Variants in TMCC2 observed in about 807,000 individuals in gnomAD.
TMCC2 encodes transmembrane and coiled-coil domain family 2, also known as transmembrane and coiled-coil domains protein 2.
In TMCC2, 16 loss-of-function variants were observed where a neutral mutation model predicts 49.4. The observed-to-expected ratio is 0.32, with a 90% CI of 0.22 to 0.49. The LOEUF (loss-of-function observed/expected upper bound fraction) is 0.49, where lower values mean the gene tolerates loss of function less well. Among genes scored for constraint, TMCC2 ranks in the 20% least tolerant of loss-of-function variants. The pLI, the probability that TMCC2 is intolerant of heterozygous loss-of-function variation, is 0.99. For missense variants in TMCC2, 762 were observed against 989.8 expected (o/e 0.77, Z 3.09); for synonymous variants, 397 against 434.1 (o/e 0.91, Z 1.06).
At chr1:205,232,516 T>C (rs1164471467) in intron 1 of TMCC2, among the ~76,000 whole-genome samples, 1 of 151,554 alleles carries the variant, frequency 6.6e-6, no homozygotes, top group Non-Finnish European at 1.5e-5. Flanking sequence ...CCACAGAGAG[T>C]GCTGGCTGAC....
chr1:205,252,819 T>C (rs1660718735), intron 2 of TMCC2, among the ~76,000 whole-genome samples: 1 of 151,916 alleles, frequency 6.6e-6, no homozygotes, highest in African/African-American at 2.4e-5. Flanking sequence ...ATTTTTTTTT[T>C]TTTAAGAGAA....
intron 3 of TMCC2, among the ~76,000 whole-genome samples, chr1:205,270,470 T>A (rs1661542674): frequency 1.3e-5 from 2 of 152,264 alleles, no homozygotes; most frequent in South Asian, 4.1e-4. Context: ...CCTCCGGTCC[T>A]GTGCTGCCCT....
chr1:205,239,164 G>T (rs948357481), intron 1 of TMCC2, among the ~76,000 whole-genome samples: 1 of 152,174 alleles, frequency 6.6e-6, no homozygotes, highest in Non-Finnish European at 1.5e-5. Context: ...TTTAGGAATG[G>T]GGGGAGAAGA....
rs768335027 is a variant in TMCC2 at position 205,228,684 on chromosome 1, T to A, written c.120T>A (p.Gly40=). The part of the protein sequence containing the change: ...GADLRPGETT[G]ANSAGGPTSD... Reference sequence around the variant, plus strand: ...ACCTCCGGCCTGGGGAGACCACGGGTGCTAACTCTGCTGGCGGGCCAACTT... The same window carrying A: ...ACCTCCGGCCTGGGGAGACCACGGGAGCTAACTCTGCTGGCGGGCCAACTT... Residue 40 remains glycine (G), a synonymous_variant, in exon 1 of 5, where the codon GGT becomes GGA. Transcript: ENST00000358024. The A allele has an allele frequency of 6.2e-7, 1 of 1,612,700 alleles. No individual in the cohort carries two copies. Among genetic ancestry groups the A allele is most frequent in the Admixed American group, 1.7e-5 (1 of 59,958 alleles).
chr1:205,261,556 G>C (rs987102539), intron 2 of TMCC2, among the ~76,000 whole-genome samples: 4 of 151,968 alleles, frequency 2.6e-5, no homozygotes, highest in Non-Finnish European at 4.4e-5. Flanking sequence ...ACTCATGCCT[G>C]TGGCCCCAGC....
intron 2 of TMCC2, among the ~76,000 whole-genome samples, chr1:205,250,121 C>T (rs1660607715): frequency 6.6e-6 from 1 of 152,236 alleles, no homozygotes; most frequent in South Asian, 2.1e-4. Flanking sequence ...AAAGCTCTGA[C>T]ACCAGAGATC....
At chr1:205,246,552 G>A in intron 2 of TMCC2, 6 of 1,544,640 alleles carry the variant, frequency 3.9e-6, no homozygotes, top group Non-Finnish European at 5.2e-6. Flanking sequence ...AGAGTGAGGA[G>A]CTCTGCACGC....
rs764420807 is a variant in TMCC2 at position 205,271,233 on chromosome 1, A to G, written c.1796A>G (p.Tyr599Cys). The change falls in exon 4 of 5, where the codon TAT becomes TGT. Residue 599 changes from tyrosine to cysteine, a missense_variant. Around this residue, in one of 2 missense-constraint regions of TMCC2, gnomAD observed 440 missense variants for 636.7 expected, o/e 0.69. Coordinates refer to ENST00000358024, the MANE Select transcript of TMCC2 (RefSeq NM_014858.4). ...SMEEKVAYQSYERARDIQEAV... is the reference protein window; with the variant it reads ...SMEEKVAYQSCERARDIQEAV... ...GAGGAGAAGGTGGCCTACCAGTCCT[A>G]TGAGAGGGCACGGGACATCCAGGTA... The G allele has an allele frequency of 7.4e-6, 12 of 1,614,036 alleles. No homozygotes were observed. Among genetic ancestry groups the G allele is most frequent in the South Asian group, 1.1e-5 (1 of 91,092 alleles).
intron 1 of TMCC2, among the ~76,000 whole-genome samples, chr1:205,240,622 C>T (rs1430530042): frequency 1.3e-5 from 2 of 152,190 alleles, no homozygotes; most frequent in Non-Finnish European, 2.9e-5. Flanking sequence ...GATAGATGTT[C>T]ACAACTGGTT....
At position 205,254,000 on chromosome 1, in the gene TMCC2, G is replaced by C. The variant is rs1213725841; in HGVS notation, c.747+11956G>C. On this transcript the variant is annotated intron_variant, in intron 2 of 4. Coordinates refer to ENST00000358024, the MANE Select transcript of TMCC2 (RefSeq NM_014858.4). ...AGCTGCACAGAGTCTCCAAGGCTTGGCTCATTCACCCTCTCCTCCATCTCC... is the reference window on the plus strand; with the variant it reads ...AGCTGCACAGAGTCTCCAAGGCTTGCCTCATTCACCCTCTCCTCCATCTCC... 3.3e-5 allele frequency among the ~76,000 whole-genome samples: 5 copies of C among 152,140 alleles called. No homozygotes were observed. The East Asian group carries it at 9.6e-4, about 29-fold the overall frequency.
At chr1:205,244,972 T>C (rs775439732) in intron 2 of TMCC2, among the ~76,000 whole-genome samples, 4 of 152,074 alleles carry the variant, frequency 2.6e-5, no homozygotes, top group South Asian at 4.1e-4. Context: ...TCATAGAGCA[T>C]GACAGACAAG....
In TMCC2 at chr1:205,241,069, T is replaced by C. The variant is rs1660243447; in HGVS notation, c.208-436T>C. Among the ~76,000 whole-genome samples the C allele has an allele frequency of 6.6e-6, 1 of 152,184 alleles. No homozygotes were observed. Among genetic ancestry groups the C allele is most frequent in the Non-Finnish European group, 1.5e-5 (1 of 68,038 alleles). On this transcript the variant is annotated intron_variant, in intron 1 of 4. Coordinates refer to ENST00000358024, the MANE Select transcript of TMCC2 (RefSeq NM_014858.4). The surrounding 1 kb of genome is among the most constrained non-coding windows in gnomAD (Gnocchi z 7.3). ...GGAATTAGGCAACTTTGGAAATCGA[T>C]GCTTGGTGGCCTGAAAGAACTAGTA...
In TMCC2 at chr1:205,271,839, G is replaced by A. The variant is rs774404733; in HGVS notation, c.1845G>A (p.Arg615=). The change falls in exon 5 of 5, where the codon CGG becomes CGA. Residue 615 remains arginine, a synonymous_variant. Transcript: ENST00000358024. Reference sequence around the variant, plus strand: ...AGGCCGTGGAGTCCTGCCTGACCCGGGTCACCAAGCTGGAGCTGCAGCAGC... The same window carrying A: ...AGGCCGTGGAGTCCTGCCTGACCCGAGTCACCAAGCTGGAGCTGCAGCAGC... ...IQEAVESCLT[R]VTKLELQQQQ... The A allele has an allele frequency of 1.9e-6, 3 of 1,612,740 alleles. No individual in the cohort carries two copies. In the East Asian group the frequency reaches 6.7e-5, roughly 36 times the overall value.
rs1410947731 is a variant in TMCC2, at chr1:205,264,107, A to C, written c.748-4843A>C. Among the ~76,000 whole-genome samples, 2 of 152,232 alleles carry C rather than the reference A, an allele frequency of 1.3e-5. No homozygotes were observed. Among genetic ancestry groups the C allele is most frequent in the Non-Finnish European group, 2.9e-5 (2 of 68,040 alleles). On this transcript the variant is annotated intron_variant, in intron 2 of 4. Transcript: ENST00000358024. This position sits in a 1 kb window ranked among gnomAD's most constrained non-coding sequence, Gnocchi z 4.2. The stretch of plus-strand genomic sequence containing the variant: ...TGAGAGACAAGTCTGACGTATGTCA[A>C]GAAATGTTAGTGTTTGAAGGAGATT...
In TMCC2 at chr1:205,228,371, A is replaced by G; in HGVS notation, c.-194A>G. The G allele has an allele frequency of 1.8e-6, 1 of 544,662 alleles. No individual in the cohort carries two copies. The highest frequency in any genetic ancestry group is 3.3e-6 in the Non-Finnish European group (1 of 305,624). 33.7% of individuals were successfully genotyped at this position (544,662 alleles called of 1,614,324 possible). On this transcript the variant is annotated 5_prime_UTR_variant, in exon 1 of 5. Coordinates refer to ENST00000358024, the MANE Select transcript of TMCC2 (RefSeq NM_014858.4). Reference sequence around the variant, plus strand: ...AAATGAACTATTCCAAGCTATAACCAAGGCTCCCCCTTCTCGCCCCTCCCT... The same window carrying G: ...AAATGAACTATTCCAAGCTATAACCGAGGCTCCCCCTTCTCGCCCCTCCCT...
chr1:205,250,395 G>C (rs1205824168), intron 2 of TMCC2, among the ~76,000 whole-genome samples: 1 of 151,994 alleles, frequency 6.6e-6, no homozygotes, highest in African/African-American at 2.4e-5. Flanking sequence ...ACAAAAACTA[G>C]CCGGGCGTGG....
intron 2 of TMCC2, among the ~76,000 whole-genome samples, chr1:205,258,262 G>A (rs1201527233): frequency 5.3e-5 from 8 of 152,110 alleles, no homozygotes; most frequent in Non-Finnish European, 1.5e-5. Flanking sequence ...AAATCCCCTT[G>A]TAGTAGAGCG....
At chr1:205,253,916 C>T (rs902897573) in intron 2 of TMCC2, among the ~76,000 whole-genome samples, 4 of 152,176 alleles carry the variant, frequency 2.6e-5, no homozygotes, top group South Asian at 4.1e-4. Context: ...TGTGTTTGCA[C>T]GAGGGCCCTG....
chr1:205,260,953 C>A lies in TMCC2; in HGVS notation c.748-7997C>A, dbSNP rs140419049. On this transcript the variant is annotated intron_variant, in intron 2 of 4. Coordinates refer to ENST00000358024, the MANE Select transcript of TMCC2 (RefSeq NM_014858.4). Reference sequence around the variant, plus strand: ...TAATGGACATCTGAGTTATGTCCACCTTTTGGCTATTGTGAATATTGCTGC... The same window carrying A: ...TAATGGACATCTGAGTTATGTCCACATTTTGGCTATTGTGAATATTGCTGC... Among the ~76,000 whole-genome samples, 748 of 152,230 alleles carry A rather than the reference C, an allele frequency of 4.9e-3. 4 individuals carry two copies. The highest frequency in any genetic ancestry group is 0.013 in the South Asian group (62 of 4,822).
Sources: allele counts gnomAD v4.1 joint callset (sites outside exome capture counted in the v4.1 genomes callset), GRCh38; gene constraint gnomAD v4.1.1; regional missense constraint gnomAD v4.1.1; non-coding constraint Gnocchi (gnomAD v3.1); transcripts MANE v1.5; gene names NCBI Gene and HGNC (gene_info 2026-07-23, HGNC 2026-07-21).